The following TMLHE variants were observed in gnomAD, a reference collection of about 807,000 sequenced individuals.
The protein encoded by TMLHE is trimethyllysine hydroxylase, epsilon, also known as trimethyllysine dioxygenase, mitochondrial.
Under a neutral mutation model 25.7 loss-of-function variants are expected in TMLHE, and 18 were observed. That is an observed-to-expected ratio of 0.70 (90% CI 0.48 to 1.04). The LOEUF is 1.04. Among genes scored for constraint, TMLHE ranks in the 50% least tolerant of loss-of-function variants. The pLI is 0.00. For missense variants in TMLHE, 236 were observed against 259.0 expected (o/e 0.91, Z 0.61); for synonymous variants, 105 against 97.0 (o/e 1.08, Z -0.49).
At chrX:155,535,845 T>A (rs1171527869) in intron 2 of TMLHE, among the ~76,000 whole-genome samples, 1 of 112,172 alleles carries the variant, frequency 8.9e-6, no homozygotes, top group Non-Finnish European at 1.9e-5. Context: ...TCCTCAAGAT[T>A]GCCTACAAGG....
intron 1 of TMLHE, among the ~76,000 whole-genome samples, chrX:155,608,098 C>G (rs1239379251): frequency 9.0e-6 from 1 of 111,608 alleles, no homozygotes; most frequent in East Asian, 2.8e-4. Flanking sequence ...GCCCAAATAG[C>G]CAAAGAAATC....
At chrX:155,548,904 G>C (rs1235703303) in intron 1 of TMLHE, among the ~76,000 whole-genome samples, 3 of 110,656 alleles carry the variant, frequency 2.7e-5, no homozygotes, top group African/African-American at 1.0e-4. Flanking sequence ...TAGTCACAGT[G>C]AGATATGATA....
At position 155,545,182 on chromosome X, in the gene TMLHE, T is replaced by C. The variant is rs1427517293; in HGVS notation, c.95A>G (p.Lys32Arg). 4 of 1,208,718 alleles carry C rather than the reference T, an allele frequency of 3.3e-6. No individual in the cohort carries two copies. The highest frequency in any genetic ancestry group is 4.5e-6 in the Non-Finnish European group (4 of 894,347). The change falls in exon 2 of 8, where the codon AAA (lysine) becomes AGA (arginine). Residue 32 changes from lysine to arginine, a missense_variant. By Grantham distance (26) the Lys-to-Arg change is conservative. Coordinates refer to ENST00000334398, the MANE Select transcript of TMLHE (RefSeq NM_018196.4). ...IYPALPQPNFKSLLPLAVHWH... is the reference protein window; with the variant it reads ...IYPALPQPNFRSLLPLAVHWH... ...ATGGACAGCTAAAGGAAGTAAGCTT[T>C]TGAAGTTGGGCTGTGGAAGGGCCGG...
At chrX:155,583,039 G>A (rs1218739112) in intron 1 of TMLHE, among the ~76,000 whole-genome samples, 4 of 111,599 alleles carry the variant, frequency 3.6e-5, no homozygotes, top group Non-Finnish European at 7.5e-5. Flanking sequence ...GGATGAAGCT[G>A]GAAACCATCA....
At chrX:155,587,613 A>T (rs2067672891) in intron 1 of TMLHE, among the ~76,000 whole-genome samples, 1 of 111,784 alleles carries the variant, frequency 8.9e-6, no homozygotes, top group Non-Finnish European at 1.9e-5. Context: ...ATCTAAAAAA[A>T]TCTAGAGACT....
chrX:155,541,478 T>G (rs2067311667), intron 2 of TMLHE, among the ~76,000 whole-genome samples: 1 of 111,756 alleles, frequency 8.9e-6, no homozygotes, highest in Non-Finnish European at 1.9e-5. Context: ...CAAGTCTTTG[T>G]TATTGTGAAC....
chrX:155,532,580 G>C (rs918383393), intron 2 of TMLHE, among the ~76,000 whole-genome samples: 1 of 110,841 alleles, frequency 9.0e-6, no homozygotes, highest in Non-Finnish European at 1.9e-5. Context: ...TGATACAACT[G>C]CTGATACTCT....
At chrX:155,512,354 T>G (rs2067122082) in intron 4 of TMLHE, among the ~76,000 whole-genome samples, 2 of 96,461 alleles carry the variant, frequency 2.1e-5, no homozygotes, top group South Asian at 1.1e-3. Context: ...GAGTGTGATG[T>G]TCCCCTTCCT....
At chrX:155,535,419 C>A (rs782255834) in intron 2 of TMLHE, among the ~76,000 whole-genome samples, 1 of 111,726 alleles carries the variant, frequency 9.0e-6, no homozygotes, top group African/African-American at 3.3e-5. Context: ...GTTGCTATAT[C>A]CTCAAATGAT....
intron 1 of TMLHE, among the ~76,000 whole-genome samples, chrX:155,589,288 A>T (rs1557345655): frequency 9.0e-6 from 1 of 110,962 alleles, no homozygotes; most frequent in Non-Finnish European, 1.9e-5. Context: ...TCTCTACTAA[A>T]AATACAAAAA....
intron 1 of TMLHE, among the ~76,000 whole-genome samples, chrX:155,579,944 C>T (rs373253388): frequency 3.7e-5 from 4 of 107,496 alleles, no homozygotes; most frequent in Non-Finnish European, 5.8e-5. Context: ...ACCTCAAAAT[C>T]GCAAGCAACA....
At chrX:155,560,491 AGGATAAAGCAGTGTGCT>A (rs1245333313) in intron 1 of TMLHE, among the ~76,000 whole-genome samples, 1 of 103,546 alleles carries the variant, frequency 9.7e-6, no homozygotes, top group Admixed American at 1.1e-4. Flanking sequence ...AAAAAATAGC[AGGATAAAGCAGTGTGCT>A]GGAAGTTGGA....
At chrX:155,598,835 A>G (rs1557346873) in intron 1 of TMLHE, among the ~76,000 whole-genome samples, 1 of 111,400 alleles carries the variant, frequency 9.0e-6, no homozygotes, top group African/African-American at 3.3e-5. Flanking sequence ...CAAATGGTGG[A>G]ATAATTGGTA....
intron 1 of TMLHE, among the ~76,000 whole-genome samples, chrX:155,594,953 C>T (rs1445862370): frequency 9.0e-6 from 1 of 111,172 alleles, no homozygotes; most frequent in African/African-American, 3.3e-5. Flanking sequence ...AAATTTGCAA[C>T]AATCTACAAA....
rs184401490 is a variant in TMLHE, at chrX:155,525,612, C to T, written c.182-980G>A. ...ACAGTTTGGAGGGCTCAGAAGAAGA[C>T]AGAAAGGCGAGGGAAATTTAGGAAC... On this transcript the variant is annotated intron_variant, in intron 2 of 7. Coordinates refer to ENST00000334398, the MANE Select transcript of TMLHE (RefSeq NM_018196.4). 1.5e-4 allele frequency among the ~76,000 whole-genome samples: 17 copies of T among 111,877 alleles called. 1 individual carries two copies. In the East Asian group the frequency reaches 2.5e-3, roughly 17 times the overall value.
rs191583002 is a variant in TMLHE, at chrX:155,525,572, C to G, written c.182-940G>C. Among the ~76,000 whole-genome samples the G allele has an allele frequency of 1.7e-3, 191 of 112,057 alleles. 2 individuals are homozygous for G. The highest frequency in any genetic ancestry group is 9.6e-4 in the Non-Finnish European group (51 of 53,220). The stretch of plus-strand genomic sequence containing the variant: ...TCGAAGCAACTTTGGAACTGGGTAA[C>G]AGGCAGGGATTGGAACAGTTTGGAG... On this transcript the variant is annotated intron_variant, in intron 2 of 7. Coordinates refer to ENST00000334398, the MANE Select transcript of TMLHE (RefSeq NM_018196.4).
intron 1 of TMLHE, among the ~76,000 whole-genome samples, chrX:155,555,691 T>TC (rs1171745024): frequency 1.8e-5 from 2 of 111,056 alleles, no homozygotes; most frequent in African/African-American, 3.3e-5. Context: ...AAGTGTCTGT[T>TC]ATATCCTTTG....
chrX:155,602,029 C>G (rs1478454281), intron 1 of TMLHE, among the ~76,000 whole-genome samples: 1 of 110,777 alleles, frequency 9.0e-6, no homozygotes, highest in Non-Finnish European at 1.9e-5. Context: ...ACAAAACTCT[C>G]CCCAACTAAT....
chrX:155,607,648 A>G (rs1557347970), intron 1 of TMLHE, among the ~76,000 whole-genome samples: 1 of 111,845 alleles, frequency 8.9e-6, no homozygotes, highest in African/African-American at 3.3e-5. Context: ...ATTATTTTAT[A>G]CATAGAAAAC....
Sources: allele counts gnomAD v4.1 joint callset (sites outside exome capture counted in the v4.1 genomes callset), GRCh38; gene constraint gnomAD v4.1.1; transcripts MANE v1.5; gene names NCBI Gene and HGNC (gene_info 2026-07-23, HGNC 2026-07-21).